Variants in GRB14 observed in about 807,000 individuals in gnomAD.
The protein encoded by GRB14 is growth factor receptor bound protein 14.
GRB14 carries 38 observed loss-of-function variants against 69.1 expected under a neutral mutation model. That is an observed-to-expected ratio of 0.55 (90% CI 0.42 to 0.72). The LOEUF (loss-of-function observed/expected upper bound fraction) is 0.72, where lower values mean the gene tolerates loss of function less well. Among genes scored for constraint, GRB14 ranks in the 30% least tolerant of loss-of-function variants. The pLI, the probability that GRB14 is intolerant of heterozygous loss-of-function variation, is 0.00. For synonymous variants in GRB14, 247 were observed against 241.3 expected (o/e 1.02, Z -0.22); for missense variants, 666 against 666.1 (o/e 1.00, Z 0.00).
intron 6 of GRB14, among the ~76,000 whole-genome samples, chr2:164,521,393 G>A (rs1219213920): frequency 6.6e-6 from 1 of 152,042 alleles, no homozygotes; most frequent in Non-Finnish European, 1.5e-5. Context: ...AAGGATAAAA[G>A]ACTATACAAT....
At chr2:164,500,574 C>T (rs1017559061) in intron 9 of GRB14, among the ~76,000 whole-genome samples, 2 of 152,000 alleles carry the variant, frequency 1.3e-5, no homozygotes, top group Admixed American at 1.3e-4. Flanking sequence ...ATAGAGACAC[C>T]AAAGTCAACA....
chr2:164,583,187 C>T (rs1270046021), intron 2 of GRB14, among the ~76,000 whole-genome samples: 1 of 152,190 alleles, frequency 6.6e-6, no homozygotes. Context: ...TCACTGTTCT[C>T]CCTATGGCCC....
intron 6 of GRB14, among the ~76,000 whole-genome samples, chr2:164,515,764 C>T (rs1574260440): frequency 7.0e-6 from 1 of 142,932 alleles, no homozygotes; most frequent in South Asian, 2.2e-4. Flanking sequence ...TTAAGCTCAT[C>T]ATGAAGGCAC....
intron 3 of GRB14, among the ~76,000 whole-genome samples, chr2:164,538,366 C>A (rs1688137599): frequency 6.6e-6 from 1 of 152,130 alleles, no homozygotes; most frequent in African/African-American, 2.4e-5. Flanking sequence ...TTTCAGAGGA[C>A]TTGAAGCTAA....
intron 2 of GRB14, among the ~76,000 whole-genome samples, chr2:164,607,837 T>C (rs2105357137): frequency 6.6e-6 from 1 of 152,334 alleles, no homozygotes; most frequent in South Asian, 2.1e-4. Context: ...TTATCATACC[T>C]TGGCCAAACC....
At chr2:164,563,420 C>T (rs1032425480) in intron 2 of GRB14, among the ~76,000 whole-genome samples, 8 of 152,188 alleles carry the variant, frequency 5.3e-5, no homozygotes, top group Non-Finnish European at 1.0e-4. Flanking sequence ...GCCCGCATTT[C>T]CTGACTCCTC....
chr2:164,566,825 T>C (rs1688987384), intron 2 of GRB14, among the ~76,000 whole-genome samples: 1 of 152,134 alleles, frequency 6.6e-6, no homozygotes, highest in South Asian at 2.1e-4. Context: ...AGATATTATT[T>C]ACTGAAAACT....
intron 2 of GRB14, among the ~76,000 whole-genome samples, chr2:164,604,973 T>C (rs1301385552): frequency 4.6e-5 from 7 of 152,228 alleles, no homozygotes; most frequent in African/African-American, 1.4e-4. Context: ...GATGCACTTA[T>C]GTCAGTAAAT....
chr2:164,574,164 G>A (rs751765185), intron 2 of GRB14: 2 of 617,996 alleles, frequency 3.2e-6, no homozygotes, highest in African/African-American at 1.8e-5. Context: ...CAGTTGATGA[G>A]CTGATCTGAT....
intron 8 of GRB14, among the ~76,000 whole-genome samples, chr2:164,506,070 G>C (rs1390573042): frequency 6.6e-6 from 1 of 152,124 alleles, no homozygotes; most frequent in Non-Finnish European, 1.5e-5. Context: ...GAAAAACAGA[G>C]AAAACCAAAA....
intron 2 of GRB14, among the ~76,000 whole-genome samples, chr2:164,548,095 C>G (rs1688432454): frequency 6.6e-6 from 1 of 152,136 alleles, no homozygotes; most frequent in Non-Finnish European, 1.5e-5. Context: ...TGCATTAGAG[C>G]TCTAGATGTG....
intron 2 of GRB14, among the ~76,000 whole-genome samples, chr2:164,618,798 C>T (rs140588421): frequency 1.3e-5 from 2 of 152,102 alleles, no homozygotes; most frequent in Non-Finnish European, 2.9e-5. Flanking sequence ...GCAATAGACG[C>T]GGAAAAATGG....
In GRB14 at chr2:164,573,746, C is replaced by T. The variant is rs1471022160; in HGVS notation, c.325-25930G>A. On this transcript the variant is annotated intron_variant, in intron 2 of 13. Transcript: ENST00000263915. The stretch of plus-strand genomic sequence containing the variant: ...TAAGTTTCTTCTCAATATTCATGCC[C>T]GTCTCTTCATATTTGAGACTTTCTG... The T allele has an allele frequency of 1.1e-5, 17 of 1,607,284 alleles. No homozygotes were observed. In the South Asian group the frequency reaches 1.1e-4, roughly 10 times the overall value.
intron 8 of GRB14, among the ~76,000 whole-genome samples, chr2:164,503,555 C>A (rs1450128478): frequency 1.3e-5 from 2 of 148,358 alleles, no homozygotes; most frequent in African/African-American, 5.0e-5. Flanking sequence ...ATTTAAAATT[C>A]TCTGTGTTGA....
chr2:164,494,462 C>A lies in GRB14; in HGVS notation c.1445G>T (p.Gly482Val), dbSNP rs1686839371. 1 of 1,599,870 alleles carries A rather than the reference C, an allele frequency of 6.3e-7. No homozygotes were observed. The highest frequency in any genetic ancestry group is 1.3e-5 in the African/African-American group (1 of 74,614). ...AATTTGAAAGTGCTTTATTTTTTGT[C>A]CATGACTCATTGACAGTACGAAAGT... ...PKTFVLSMSHGQKIKHFQIIP... is the reference protein window; with the variant it reads ...PKTFVLSMSHVQKIKHFQIIP... Residue 482 changes from glycine to valine, a missense_variant, in exon 13 of 14, where the codon GGA (glycine) becomes GTA (valine). Coordinates refer to ENST00000263915, the MANE Select transcript of GRB14 (RefSeq NM_004490.3).
chr2:164,612,597 A>C (rs939415619), intron 2 of GRB14, among the ~76,000 whole-genome samples: 3 of 152,252 alleles, frequency 2.0e-5, no homozygotes, highest in Non-Finnish European at 4.4e-5. Flanking sequence ...TGAAATACAC[A>C]TAAGCATATA....
intron 12 of GRB14, 60 bp downstream of exon 12, chr2:164,496,948 T>C: frequency 2.3e-6 from 3 of 1,311,918 alleles, no homozygotes; most frequent in Non-Finnish European, 3.3e-6. Flanking sequence ...GAATAAATAA[T>C]TTCTGCTTAT....
At chr2:164,544,839 G>C (rs1188508774) in intron 3 of GRB14, among the ~76,000 whole-genome samples, 2 of 152,210 alleles carry the variant, frequency 1.3e-5, no homozygotes, top group African/African-American at 4.8e-5. Context: ...TAGGACACCA[G>C]TTGTCAAATC....
At chr2:164,619,940 ATAAAG>A (rs1309988752) in intron 1 of GRB14, 121 bp from the exon 2 acceptor site, 3 of 752,578 alleles carry the variant, frequency 4.0e-6, no homozygotes, top group Non-Finnish European at 6.7e-6. Context: ...CTCATATTAT[ATAAAG>A]TATATAGAAA....
Sources: gnomAD v4.1 joint callset for allele counts (sites outside exome capture counted in the v4.1 genomes callset) on GRCh38, gnomAD v4.1.1 for gene constraint, MANE v1.5 for transcripts, NCBI Gene and HGNC (gene_info 2026-07-23, HGNC 2026-07-21) for gene names.